GPD2: variants seen among roughly 807,000 people sequenced by gnomAD.
GPD2 encodes the protein glycerol-3-phosphate dehydrogenase, mitochondrial.
GPD2 carries 54 observed loss-of-function variants against 82.4 expected under a neutral mutation model. The ratio of observed to expected loss-of-function variants is 0.66; its 90% CI spans 0.53 to 0.82. The LOEUF is 0.82. Among genes scored for constraint, GPD2 ranks in the 40% least tolerant of loss-of-function variants. The probability of loss-of-function intolerance (pLI) is 0.00; values close to 1 mark genes in which losing one functional copy is unlikely to be tolerated. For missense variants in GPD2, 748 were observed against 896.2 expected, an observed-to-expected ratio of 0.83 and a Z score of 2.11; for synonymous variants, 288 against 306.1, an observed-to-expected ratio of 0.94 and a Z score of 0.62.
chr2:156,573,735 C>G (rs1174792055), intron 13 of GPD2, among the ~76,000 whole-genome samples: 1 of 152,162 alleles, frequency 6.6e-6, no homozygotes, highest in Non-Finnish European at 1.5e-5. Context: ...AAAGCTATTA[C>G]TCAGTATCTG....
chr2:156,451,050 C>T (rs1442133122), intron 1 of GPD2, among the ~76,000 whole-genome samples: 5 of 144,186 alleles, frequency 3.5e-5, no homozygotes, highest in African/African-American at 1.3e-4. Context: ...TGAAAAGTCT[C>T]CCATGTCTAC....
intron 5 of GPD2, 124 bp downstream of exon 5, chr2:156,512,441 T>C (rs1182466782): frequency 1.4e-6 from 1 of 715,354 alleles, no homozygotes; most frequent in Non-Finnish European, 2.6e-6. Flanking sequence ...TAATCTTTAA[T>C]CCTTTTGAAG....
intron 9 of GPD2, among the ~76,000 whole-genome samples, chr2:156,567,534 A>T (rs933327428): frequency 2.0e-5 from 3 of 152,256 alleles, no homozygotes; most frequent in African/African-American, 2.4e-5. Flanking sequence ...ACCCCAAGTC[A>T]CAGTTGAAGC....
chr2:156,577,611 T>C (rs1261927447), intron 13 of GPD2, among the ~76,000 whole-genome samples: 1 of 152,228 alleles, frequency 6.6e-6, no homozygotes. Flanking sequence ...TTCATTTCAC[T>C]TCACACTGGC....
At chr2:156,463,870 C>T (rs1683068571) in intron 1 of GPD2, among the ~76,000 whole-genome samples, 1 of 152,140 alleles carries the variant, frequency 6.6e-6, no homozygotes. Context: ...GACCTGTCAC[C>T]TCTGTGCTAT....
At chr2:156,413,054 G>A in the GPD2 span, among the ~76,000 whole-genome samples, 1 of 152,068 alleles carries the variant, frequency 6.6e-6, no homozygotes, top group Non-Finnish European at 1.5e-5. Flanking sequence ...CTGTAATCAT[G>A]CCACTACACT....
chr2:156,431,708 G>T (rs545181994), upstream of GPD2, among the ~76,000 whole-genome samples: 1 of 152,148 alleles, frequency 6.6e-6, no homozygotes, highest in Non-Finnish European at 1.5e-5. Flanking sequence ...GCTAGAGATA[G>T]GGAGGCAGAA....
chr2:156,518,198 G>A (rs7605841), intron 6 of GPD2, among the ~76,000 whole-genome samples: 106 of 152,310 alleles, frequency 7.0e-4, no homozygotes, highest in African/African-American at 2.4e-3. Flanking sequence ...AGAGAGCAAA[G>A]CCAATTTAAT....
chr2:156,475,646 T>C (rs1683483620), intron 1 of GPD2, among the ~76,000 whole-genome samples: 1 of 152,194 alleles, frequency 6.6e-6, no homozygotes, highest in Non-Finnish European at 1.5e-5. Flanking sequence ...ATTAAACACT[T>C]GCCAAAGAAC....
chr2:156,550,691 G>A lies in GPD2; in HGVS notation c.916G>A (p.Ala306Thr). The change falls in exon 8 of 17, where the codon GCA becomes ACA. Residue 306 changes from alanine to threonine, a missense_variant. Around this residue, in one of 3 missense-constraint regions of GPD2, gnomAD observed 692 missense variants for 809.7 expected, o/e 0.85. Coordinates refer to ENST00000438166, the MANE Select transcript of GPD2 (RefSeq NM_000408.5). The stretch of plus-strand genomic sequence containing the variant: ...GCGCAAAATGGATGATAAAGACGCA[G>A]CAGCTATCTGCCAGCCAAGTGCTGG... ...SVRKMDDKDAAAICQPSAGVH... is the reference protein window; with the variant it reads ...SVRKMDDKDATAICQPSAGVH... The A allele has an allele frequency of 6.2e-7, 1 of 1,613,798 alleles. No individual in the cohort carries two copies. Among genetic ancestry groups the A allele is most frequent in the Non-Finnish European group, 8.5e-7 (1 of 1,179,700 alleles).
At chr2:156,473,848 C>G (rs981668068) in intron 1 of GPD2, among the ~76,000 whole-genome samples, 1 of 152,130 alleles carries the variant, frequency 6.6e-6, no homozygotes, top group Admixed American at 6.5e-5. Flanking sequence ...ACTATCCCAG[C>G]AACCTAGGAT....
chr2:156,435,949 C>G (rs1347473972), upstream of GPD2: 2 of 152,456 alleles, frequency 1.3e-5, no homozygotes, highest in African/African-American at 4.8e-5. Context: ...GCTTTCCAGT[C>G]CGCCAGCCCG....
rs1356333304 is a variant in GPD2 at position 156,557,377 on chromosome 2, T to C, written c.972-12T>C. 3.9e-6 allele frequency: 6 copies of C among 1,535,642 alleles called. No individual in the cohort carries two copies. The highest frequency in any genetic ancestry group is 4.5e-6 in the Non-Finnish European group (5 of 1,109,586). On this transcript the variant is annotated splice_polypyrimidine_tract_variant and intron_variant, in intron 8 of 16. Transcript: ENST00000438166. ...GATTTTCAGAAATAAATAATCCTTC[T>C]TTGTATCTCAGCCCAGAGAGCATGG...
chr2:156,407,944 ATTTTTTTTT>A, the GPD2 span, among the ~76,000 whole-genome samples: 2 of 56,478 alleles, frequency 3.5e-5, no homozygotes, highest in Middle Eastern at 0.018. Context: ...CCATGCTGTA[ATTTTTTTTT>A]TTTTTTTTTT....
chr2:156,495,614 A>G (rs1404318162), intron 2 of GPD2: 1 of 464,658 alleles, frequency 2.2e-6, no homozygotes, highest in African/African-American at 2.0e-5. Flanking sequence ...CTTCTGAGAA[A>G]GTGTGGAAAG....
At chr2:156,426,704 A>C in the GPD2 span, among the ~76,000 whole-genome samples, 1 of 152,184 alleles carries the variant, frequency 6.6e-6, no homozygotes, top group Non-Finnish European at 1.5e-5. Flanking sequence ...CCTGAACTAC[A>C]TGTAGCTCAG....
chr2:156,535,741 A>G (rs565981970), intron 6 of GPD2, among the ~76,000 whole-genome samples: 19 of 152,332 alleles, frequency 1.2e-4, no homozygotes, highest in Admixed American at 1.1e-3. Context: ...AGCTTCGGTA[A>G]TGTGGGCTTT....
intron 6 of GPD2, among the ~76,000 whole-genome samples, chr2:156,522,235 C>A (rs943964323): frequency 4.6e-5 from 7 of 152,122 alleles, no homozygotes. Context: ...TATTAAATAC[C>A]AGGCTTTCAT....
At position 156,524,162 on chromosome 2, in the gene GPD2, G is replaced by T. The variant is rs556991549; in HGVS notation, c.661+10666G>T. 1.1e-4 allele frequency among the ~76,000 whole-genome samples: 16 copies of T among 150,738 alleles called. No individual in the cohort carries two copies. In the South Asian group the frequency reaches 2.8e-3, roughly 26 times the overall value. ...TTCCCACCCACCCCCACCTTTTGGA[G>T]CCCCCAGTGTGGATTCATTCTTTTT... On this transcript the variant is annotated intron_variant, in intron 6 of 16. Coordinates refer to ENST00000438166, the MANE Select transcript of GPD2 (RefSeq NM_000408.5).
Sources: allele counts gnomAD v4.1 joint callset (sites outside exome capture counted in the v4.1 genomes callset), GRCh38; gene constraint gnomAD v4.1.1; regional missense constraint gnomAD v4.1.1; transcripts MANE v1.5; gene names NCBI Gene and HGNC (gene_info 2026-07-23, HGNC 2026-07-21).